PCDHGB2: variants seen among roughly 807,000 people sequenced by gnomAD.
The protein encoded by PCDHGB2 is protocadherin gamma subfamily B, 2, also known as protocadherin gamma-B2.
A neutral mutation model predicts 59.3 loss-of-function variants in PCDHGB2; 55 were observed. The observed-to-expected ratio is 0.93, with a 90% CI of 0.75 to 1.16. The LOEUF (loss-of-function observed/expected upper bound fraction) is 1.16, where lower values mean the gene tolerates loss of function less well. PCDHGB2 is among the 50% of genes most tolerant of loss of function. The pLI, the probability that PCDHGB2 is intolerant of heterozygous loss-of-function variation, is 0.00. For missense variants in PCDHGB2, 1,228 were observed against 1,198.5 expected (o/e 1.02, Z -0.36); for synonymous variants, 516 against 512.0 (o/e 1.01, Z -0.11).
At chr5:141,403,590 C>A (rs770895828) in intron 1 of PCDHGB2, 7 of 1,613,866 alleles carry the variant, frequency 4.3e-6, no homozygotes, top group Non-Finnish European at 5.1e-6. Context: ...CTGGTCCTCA[C>A]GGCCTCGGAT....
chr5:141,413,033 T>G, intron 1 of PCDHGB2: 1 of 776,760 alleles, frequency 1.3e-6, no homozygotes, highest in Non-Finnish European at 2.0e-6. Context: ...ACAAACCGGC[T>G]GCTGGGCTGC....
chr5:141,422,677 C>G, intron 1 of PCDHGB2: 1 of 1,606,186 alleles, frequency 6.2e-7, no homozygotes, highest in Non-Finnish European at 8.5e-7. Context: ...GGACAGCAAA[C>G]AGAATGCCCT....
At chr5:141,406,870 G>T (rs903338003) in intron 1 of PCDHGB2, among the ~76,000 whole-genome samples, 1 of 152,230 alleles carries the variant, frequency 6.6e-6, no homozygotes, top group Non-Finnish European at 1.5e-5. Flanking sequence ...CTCAGGAACT[G>T]CTGGGAAGAT....
intron 1 of PCDHGB2, chr5:141,371,346 G>A: frequency 6.2e-7 from 1 of 1,613,880 alleles, no homozygotes; most frequent in Non-Finnish European, 8.5e-7. Flanking sequence ...CTACACAATT[G>A]GGGTGGAAGC....
At chr5:141,495,236 A>G (rs2099759742) in intron 2 of PCDHGB2, among the ~76,000 whole-genome samples, 1 of 152,168 alleles carries the variant, frequency 6.6e-6, no homozygotes, top group South Asian at 2.1e-4. Flanking sequence ...GGGCTCCATT[A>G]TGACCTGGGG....
Position 141,361,874 on chromosome 5 carries a change from G to T in PCDHGB2, c.1739G>T (p.Arg580Leu). Residue 580 changes from arginine (R) to leucine (L), a missense_variant, in exon 1 of 4, where the codon CGC (arginine) becomes CTC (leucine). Transcript: ENST00000522605. ...TCCGCCCTCTTCGATATGGTGCCACGCGCCGCAGAGCCCGGCTACCTGGTG... is the reference window on the plus strand; with the variant it reads ...TCCGCCCTCTTCGATATGGTGCCACTCGCCGCAGAGCCCGGCTACCTGGTG... ...DGSALFDMVP[R>L]AAEPGYLVTK... is the part of the protein sequence containing the mutation. 1 of 1,611,062 alleles carries T rather than the reference G, an allele frequency of 6.2e-7. No individual in the cohort carries two copies. Among genetic ancestry groups the T allele is most frequent in the Non-Finnish European group, 8.5e-7 (1 of 1,179,554 alleles).
At chr5:141,444,329 G>A (rs536314842) in intron 1 of PCDHGB2, among the ~76,000 whole-genome samples, 17 of 151,674 alleles carry the variant, frequency 1.1e-4, no homozygotes, top group Admixed American at 1.1e-3. Flanking sequence ...GTGCCACCAC[G>A]CCCAGCTAAT....
intron 1 of PCDHGB2, chr5:141,410,823 C>CCAGACTGA (rs2095425464): frequency 2.1e-6 from 1 of 479,988 alleles, no homozygotes; most frequent in African/African-American, 2.5e-5. Flanking sequence ...AATAATGTCA[C>CCAGACTGA]CAGACTGAAG....
intron 1 of PCDHGB2, among the ~76,000 whole-genome samples, chr5:141,480,875 T>C (rs1285607270): frequency 6.6e-6 from 1 of 152,062 alleles, no homozygotes; most frequent in African/African-American, 2.4e-5. Context: ...TGAAACCCCG[T>C]CTCTACTAAA....
chr5:141,505,925 C>T (rs1161562658), intron 3 of PCDHGB2, among the ~76,000 whole-genome samples: 4 of 152,140 alleles, frequency 2.6e-5, no homozygotes, highest in Admixed American at 1.3e-4. Context: ...CTGGGCCTGG[C>T]GCTTGGAAGC....
At position 141,487,276 on chromosome 5, in the gene PCDHGB2, C is replaced by G; in HGVS notation, c.2422-7531C>G. On this transcript the variant is annotated intron_variant, in intron 1 of 3. Coordinates refer to ENST00000522605, the MANE Select transcript of PCDHGB2 (RefSeq NM_018923.3). The surrounding 1 kb of genome is among the most constrained non-coding windows in gnomAD (Gnocchi z 5.0). ...TGGCTGTGTCCCTAGTGGCAATTTG[C>G]TTTGTCTCCTTTGGCTCATTCGTGG... 1 of 1,614,158 alleles carries G rather than the reference C, an allele frequency of 6.2e-7. No homozygotes were observed. The highest frequency in any genetic ancestry group is 1.1e-5 in the South Asian group (1 of 91,082).
intron 1 of PCDHGB2, among the ~76,000 whole-genome samples, chr5:141,459,664 T>A (rs766213146): frequency 1.3e-5 from 2 of 152,262 alleles, no homozygotes; most frequent in Non-Finnish European, 2.9e-5. Flanking sequence ...TCACTTTACA[T>A]TTTCATGAGC....
intron 1 of PCDHGB2, chr5:141,387,691 G>C (rs1032902954): frequency 3.3e-5 from 28 of 840,822 alleles, no homozygotes; most frequent in Non-Finnish European, 4.7e-5. Context: ...GCCGCAGCGC[G>C]CTTTCCAGGG....
intron 1 of PCDHGB2, among the ~76,000 whole-genome samples, chr5:141,481,678 G>A (rs1033213047): frequency 6.6e-6 from 1 of 152,006 alleles, no homozygotes; most frequent in African/African-American, 2.4e-5. Flanking sequence ...ATCAGGCCGG[G>A]CCTGGTGGCT....
chr5:141,393,473 G>A (rs1190605709), intron 1 of PCDHGB2: 1 of 1,614,044 alleles, frequency 6.2e-7, no homozygotes, highest in East Asian at 2.2e-5. Flanking sequence ...GCGGCAAGCC[G>A]CCTCGCTCTA....
At chr5:141,376,756 G>A (rs1049941497) in intron 1 of PCDHGB2, 9 of 448,098 alleles carry the variant, frequency 2.0e-5, no homozygotes, top group African/African-American at 1.7e-4. Context: ...GCGCAATCTC[G>A]GCTCACTGCA....
At chr5:141,506,969 A>G (rs923725359) in intron 3 of PCDHGB2, 7 of 152,208 alleles carry the variant, frequency 4.6e-5, no homozygotes, top group Non-Finnish European at 8.8e-5. Flanking sequence ...ATAGCTCTGC[A>G]AGGCAGGTCT....
At chr5:141,499,025 GAAGA>G (rs1309889371) in intron 2 of PCDHGB2, among the ~76,000 whole-genome samples, 11 of 140,712 alleles carry the variant, frequency 7.8e-5, no homozygotes, top group African/African-American at 2.6e-4. Flanking sequence ...AGGAAGGAAG[GAAGA>G]AAAGAAAGAA....
At chr5:141,364,907 G>A (rs779210025) in intron 1 of PCDHGB2, 37 of 1,613,968 alleles carry the variant, frequency 2.3e-5, no homozygotes, top group Non-Finnish European at 3.1e-5. Flanking sequence ...AAAGTATCCG[G>A]AGCTGGTGTT....
Sources: gnomAD v4.1 joint callset for allele counts (sites outside exome capture counted in the v4.1 genomes callset) on GRCh38, gnomAD v4.1.1 for gene constraint, Gnocchi (gnomAD v3.1) non-coding constraint, MANE v1.5 for transcripts, NCBI Gene and HGNC (gene_info 2026-07-23, HGNC 2026-07-21) for gene names.